Variants in FOCAD observed in about 807,000 individuals in gnomAD.
The protein encoded by FOCAD is focadhesin.
A neutral mutation model predicts 225.6 loss-of-function variants in FOCAD; 198 were observed. That is an observed-to-expected ratio of 0.88 (90% CI 0.78 to 0.99). The LOEUF (loss-of-function observed/expected upper bound fraction) is 0.99. Ranked by LOEUF, FOCAD falls within the 50% of genes least tolerant of loss-of-function variation. FOCAD has a pLI of 0.00. For missense variants in FOCAD, 2,713 were observed against 2,123.6 expected (o/e 1.28, Z -5.46); for synonymous variants, 897 against 755.0 (o/e 1.19, Z -3.08).
At chr9:20,871,510 T>G (rs1299073599) in intron 18 of FOCAD, among the ~76,000 whole-genome samples, 2 of 151,998 alleles carry the variant, frequency 1.3e-5, no homozygotes. Flanking sequence ...ATTAAATTGT[T>G]GCACACAACC....
At chr9:20,735,111 C>G (rs930036318) in intron 4 of FOCAD, among the ~76,000 whole-genome samples, 1 of 152,074 alleles carries the variant, frequency 6.6e-6, no homozygotes, top group Admixed American at 6.5e-5. Flanking sequence ...GAATCTTATT[C>G]TTCTGTGATT....
chr9:20,949,712 A>G (rs374964278), intron 33 of FOCAD, 37 bp downstream of exon 33: 227 of 1,486,574 alleles, frequency 1.5e-4, no homozygotes, highest in Non-Finnish European at 2.1e-4. Context: ...GGTGGAAAAC[A>G]TATCCCCCTT....
At chr9:20,838,598 C>G (rs1826216116) in intron 15 of FOCAD, among the ~76,000 whole-genome samples, 1 of 152,154 alleles carries the variant, frequency 6.6e-6, no homozygotes. Flanking sequence ...GCATTTCCTT[C>G]TATTCCACTT....
chr9:20,793,921 G>A (rs1307453719), intron 11 of FOCAD, among the ~76,000 whole-genome samples: 1 of 152,132 alleles, frequency 6.6e-6, no homozygotes, highest in Non-Finnish European at 1.5e-5. Flanking sequence ...GGGCGAAGTG[G>A]GGATCGGTCC....
intron 7 of FOCAD, among the ~76,000 whole-genome samples, chr9:20,768,017 G>A (rs1444610319): frequency 6.6e-6 from 1 of 151,690 alleles, no homozygotes; most frequent in Non-Finnish European, 1.5e-5. Flanking sequence ...GTGTAAGGAA[G>A]GGATCCAGTT....
chr9:20,721,881 TC>T (rs1825796409), intron 4 of FOCAD, among the ~76,000 whole-genome samples: 4 of 4,016 alleles, frequency 1.0e-3, no homozygotes, highest in South Asian at 0.031. Context: ...TCCCCTCCCC[TC>T]CCCTTCCTCC....
rs190764900 is a variant in FOCAD at position 20,674,820 on chromosome 9, C to T, written c.-78+15994C>T. Among the ~76,000 whole-genome samples, 467 of 152,158 alleles carry T rather than the reference C, an allele frequency of 3.1e-3. 12 individuals are homozygous for T. The highest frequency in any genetic ancestry group is 0.028 in the Admixed American group (427 of 15,270). On this transcript the variant is annotated intron_variant, in intron 2 of 45. Transcript: ENST00000380249. ...AATGATAGCTGTGCTTTTCTTCTGC[C>T]CCATGGTTATAAGGACTGAAATTTA...
chr9:20,684,119 G>C (rs1822506310), upstream of FOCAD: 1 of 152,344 alleles, frequency 6.6e-6, no homozygotes. Context: ...CCGGGCCTTA[G>C]ACGCGCGTGC....
intron 4 of FOCAD, among the ~76,000 whole-genome samples, chr9:20,729,079 G>A (rs1192351575): frequency 1.3e-5 from 2 of 152,178 alleles, no homozygotes; most frequent in Non-Finnish European, 2.9e-5. Context: ...CCTGGAGCTG[G>A]ATCAGTCAGC....
chr9:20,983,161 C>CT (rs1840853130), intron 39 of FOCAD, among the ~76,000 whole-genome samples: 1 of 152,202 alleles, frequency 6.6e-6, no homozygotes, highest in Non-Finnish European at 1.5e-5. Context: ...AATGTGAGTT[C>CT]TTGAGCCCCC....
At chr9:20,809,935 T>G (rs1327228225) in intron 11 of FOCAD, among the ~76,000 whole-genome samples, 1 of 152,158 alleles carries the variant, frequency 6.6e-6, no homozygotes, top group East Asian at 1.9e-4. Context: ...TTTTCTTAAT[T>G]GCCACTTTCT....
chr9:20,874,760 C>A lies in FOCAD; in HGVS notation c.2270C>A (p.Ser757Tyr), dbSNP rs1268602854. 6.2e-7 allele frequency: 1 copy of A among 1,613,694 alleles called. No homozygotes were observed. Among genetic ancestry groups the A allele is most frequent in the Non-Finnish European group, 8.5e-7 (1 of 1,179,732 alleles). The stretch of plus-strand genomic sequence containing the variant: ...GATGTGGATCTTTCAGTTCCTGGCT[C>A]TTGCTATCTCAAACTGTTGTCACTC... ...VEDVDLSVPG[S>Y]CYLKLLSLTP... Residue 757 changes from serine (S) to tyrosine (Y), a missense_variant, in exon 19 of 44, where the codon TCT becomes TAT. Physicochemically the swap from Ser to Tyr is moderately radical, Grantham distance 144. Coordinates refer to ENST00000338382, the MANE Select transcript of FOCAD (RefSeq NM_001375567.1).
chr9:20,815,123 G>GTTTTT (rs71334554), intron 11 of FOCAD, among the ~76,000 whole-genome samples: 1 of 85,396 alleles, frequency 1.2e-5, no homozygotes, highest in African/African-American at 4.7e-5. Context: ...ACTTCTCTTT[G>GTTTTT]TTTTTTTTTT....
chr9:20,941,650 A>G (rs574459786), intron 28 of FOCAD, among the ~76,000 whole-genome samples: 6 of 152,360 alleles, frequency 3.9e-5, no homozygotes, highest in East Asian at 3.9e-4. Context: ...ATAAGTAATG[A>G]CATAATAGTG....
intron 14 of FOCAD, 138 bp from the exon 15 acceptor site, chr9:20,822,851 G>A (rs539738383): frequency 5.8e-5 from 35 of 601,814 alleles, no homozygotes; most frequent in African/African-American, 3.5e-4. Flanking sequence ...GAAAAAACAT[G>A]GTGTTAATAT....
upstream of FOCAD, among the ~76,000 whole-genome samples, chr9:20,680,424 G>T (rs973782258): frequency 6.6e-6 from 1 of 152,176 alleles, no homozygotes; most frequent in African/African-American, 2.4e-5. Context: ...TGGGCATGGT[G>T]GCGCACGCCT....
chr9:20,687,367 C>T (rs1204915758), intron 1 of FOCAD, among the ~76,000 whole-genome samples: 5 of 152,188 alleles, frequency 3.3e-5, no homozygotes, highest in African/African-American at 9.7e-5. Flanking sequence ...TTGGCTGATA[C>T]ATATGTTGAA....
At chr9:20,926,113 G>T (rs1276282076) in intron 25 of FOCAD, among the ~76,000 whole-genome samples, 188 bp from the exon 26 acceptor site, 1 of 151,318 alleles carries the variant, frequency 6.6e-6, no homozygotes, top group East Asian at 1.9e-4. Flanking sequence ...TGGGGCACAG[G>T]TGAGGATGTA....
At chr9:20,867,745 A>G (rs1829414253) in intron 18 of FOCAD, among the ~76,000 whole-genome samples, 2 of 152,078 alleles carry the variant, frequency 1.3e-5, no homozygotes, top group Non-Finnish European at 2.9e-5. Flanking sequence ...AGTGTCAAGC[A>G]GACATTGTGT....
Sources: allele counts gnomAD v4.1 joint callset (sites outside exome capture counted in the v4.1 genomes callset), GRCh38; gene constraint gnomAD v4.1.1; transcripts MANE v1.5; gene names NCBI Gene and HGNC (gene_info 2026-07-23, HGNC 2026-07-21).